The following NRG3 variants were observed in gnomAD, a reference collection of about 807,000 sequenced individuals.
The protein encoded by NRG3 is pro-neuregulin-3, membrane-bound isoform.
Under a neutral mutation model 66.9 loss-of-function variants are expected in NRG3, and 31 were observed. The ratio of observed to expected loss-of-function variants is 0.46; its 90% CI spans 0.35 to 0.63. NRG3 has a LOEUF of 0.63. NRG3 is among the 20% of genes least tolerant of loss of function. The probability of loss-of-function intolerance (pLI) is 0.00; values close to 1 mark genes in which losing one functional copy is unlikely to be tolerated. For missense variants in NRG3, 910 were observed against 878.9 expected (o/e 1.04, Z -0.45); for synonymous variants, 393 against 359.4 (o/e 1.09, Z -1.06).
intron 1 of NRG3, among the ~76,000 whole-genome samples, chr10:82,356,703 A>G (rs2083809053): frequency 6.6e-6 from 1 of 152,212 alleles, no homozygotes; most frequent in South Asian, 2.1e-4. Context: ...TATGAGTAAC[A>G]TATGTGTGAG....
chr10:82,967,954 T>C (rs1015160134), intron 6 of NRG3, among the ~76,000 whole-genome samples: 2 of 152,148 alleles, frequency 1.3e-5, no homozygotes, highest in African/African-American at 4.8e-5. Flanking sequence ...TCTTAAACAT[T>C]CCTACCAATT....
At chr10:82,971,453 T>TG (rs1851724262) in intron 6 of NRG3, among the ~76,000 whole-genome samples, 1 of 150,456 alleles carries the variant, frequency 6.6e-6, no homozygotes, top group African/African-American at 2.4e-5. Context: ...TTTTTTTTTT[T>TG]TGATACAGAG....
intron 2 of NRG3, among the ~76,000 whole-genome samples, chr10:82,614,224 C>A (rs952426310): frequency 1.3e-5 from 2 of 152,138 alleles, no homozygotes; most frequent in Non-Finnish European, 2.9e-5. Context: ...AACAACAGAC[C>A]ATGTGGACCA....
intron 2 of NRG3, among the ~76,000 whole-genome samples, chr10:82,467,989 A>G (rs986246433): frequency 2.6e-5 from 4 of 152,198 alleles, no homozygotes; most frequent in Admixed American, 6.5e-5. Context: ...CCTAAGGGAA[A>G]TGGAAAACAT....
At chr10:82,486,290 T>A (rs763352268) in intron 2 of NRG3, among the ~76,000 whole-genome samples, 8 of 152,128 alleles carry the variant, frequency 5.3e-5, no homozygotes, top group African/African-American at 1.4e-4. Flanking sequence ...TTGAAATCAG[T>A]TTTTCAAAGA....
At chr10:82,884,695 T>A (rs564108565) in intron 4 of NRG3, among the ~76,000 whole-genome samples, 7 of 152,172 alleles carry the variant, frequency 4.6e-5, no homozygotes, top group Non-Finnish European at 1.0e-4. Flanking sequence ...TATTTTCCCA[T>A]CATATATTTA....
chr10:82,112,971 C>A (rs892145638), intron 1 of NRG3, among the ~76,000 whole-genome samples: 1 of 152,114 alleles, frequency 6.6e-6, no homozygotes, highest in African/African-American at 2.4e-5. Flanking sequence ...TCTTCTCCCC[C>A]ACACTGCTCC....
intron 6 of NRG3, among the ~76,000 whole-genome samples, chr10:82,970,500 T>C (rs1462508581): frequency 1.3e-5 from 2 of 152,230 alleles, no homozygotes. Flanking sequence ...CTCTTTATAA[T>C]GAGTGCAGTT....
At chr10:81,877,006 C>T (rs1158301411) in intron 1 of NRG3, among the ~76,000 whole-genome samples, 1 of 152,298 alleles carries the variant, frequency 6.6e-6, no homozygotes, top group East Asian at 1.9e-4. Flanking sequence ...TCCTCTCCCT[C>T]TGTGCCTGAA....
chr10:82,229,372 T>G (rs192803751), intron 1 of NRG3, among the ~76,000 whole-genome samples: 11 of 152,288 alleles, frequency 7.2e-5, no homozygotes, highest in Non-Finnish European at 1.5e-4. Flanking sequence ...TTTGAAATAA[T>G]GTCTCAAAGC....
At chr10:82,365,943 G>T (rs1441107852) in intron 2 of NRG3, among the ~76,000 whole-genome samples, 2 of 152,202 alleles carry the variant, frequency 1.3e-5, no homozygotes, top group Non-Finnish European at 1.5e-5. Flanking sequence ...TTTTAAGGAG[G>T]TCATTATGAC....
intron 2 of NRG3, among the ~76,000 whole-genome samples, chr10:82,511,213 T>C (rs1448238606): frequency 1.3e-5 from 2 of 152,078 alleles, no homozygotes. Flanking sequence ...CTGTTCTACA[T>C]TGTGTTGGAA....
chr10:82,778,505 G>C (rs1288087991), intron 3 of NRG3, among the ~76,000 whole-genome samples: 2 of 152,040 alleles, frequency 1.3e-5, no homozygotes, highest in Non-Finnish European at 2.9e-5. Flanking sequence ...AAACCATCAG[G>C]CCTCACAAAC....
chr10:82,371,441 T>G (rs1307810619), intron 2 of NRG3, among the ~76,000 whole-genome samples: 1 of 152,202 alleles, frequency 6.6e-6, no homozygotes, highest in East Asian at 1.9e-4. Flanking sequence ...CTTTTATCAT[T>G]CTGCCAATGT....
chr10:82,918,398 C>T (rs1367588266), intron 4 of NRG3, among the ~76,000 whole-genome samples: 1 of 152,002 alleles, frequency 6.6e-6, no homozygotes, highest in African/African-American at 2.4e-5. Flanking sequence ...GTAAAATGGG[C>T]AACAAATTCA....
At chr10:82,232,564 G>A (rs2076536164) in intron 1 of NRG3, 1 of 557,910 alleles carries the variant, frequency 1.8e-6, no homozygotes, top group African/African-American at 1.9e-5. Flanking sequence ...TCAGACTTCT[G>A]ACCGTTTTTC....
chr10:82,930,642 T>C (rs143363195), intron 4 of NRG3, among the ~76,000 whole-genome samples: 4 of 152,336 alleles, frequency 2.6e-5, no homozygotes, highest in Admixed American at 6.5e-5. Flanking sequence ...ATTTATGTTA[T>C]ATAGTTTTTT....
chr10:82,233,498 C>T (rs1182334860), intron 1 of NRG3, among the ~76,000 whole-genome samples: 3 of 152,168 alleles, frequency 2.0e-5, no homozygotes, highest in African/African-American at 7.2e-5. Context: ...CATTTATCTA[C>T]AATACAGCCT....
intron 1 of NRG3, among the ~76,000 whole-genome samples, chr10:82,148,646 G>A (rs1162453725): frequency 6.6e-6 from 1 of 152,058 alleles, no homozygotes; most frequent in South Asian, 2.1e-4. Context: ...ATTTGGCAGG[G>A]TTTAGGGAGA....
Sources: allele counts gnomAD v4.1 joint callset (sites outside exome capture counted in the v4.1 genomes callset), GRCh38; gene constraint gnomAD v4.1.1; transcripts MANE v1.5; gene names NCBI Gene and HGNC (gene_info 2026-07-23, HGNC 2026-07-21).